Variants in CNTN5 observed in about 807,000 individuals in gnomAD.
CNTN5 encodes the protein contactin 5.
Under a neutral mutation model 129.1 loss-of-function variants are expected in CNTN5, and 77 were observed. The observed-to-expected ratio is 0.60, with a 90% CI of 0.50 to 0.72. The LOEUF is 0.72. Ranked by LOEUF, CNTN5 falls within the 30% of genes least tolerant of loss-of-function variation. The probability of loss-of-function intolerance (pLI) is 0.00; values close to 1 mark genes in which losing one functional copy is unlikely to be tolerated. For missense variants in CNTN5, 1,478 were observed against 1,328.8 expected, an observed-to-expected ratio of 1.11 and a Z score of -1.75; for synonymous variants, 509 against 465.6, an observed-to-expected ratio of 1.09 and a Z score of -1.20.
At chr11:99,746,338 C>T (rs1191018146) in intron 3 of CNTN5, among the ~76,000 whole-genome samples, 2 of 152,140 alleles carry the variant, frequency 1.3e-5, no homozygotes. Context: ...CTCTGTTTCT[C>T]AGTGTGTGTT....
At chr11:99,103,137 C>A (rs1565319062) in intron 1 of CNTN5, among the ~76,000 whole-genome samples, 1 of 152,104 alleles carries the variant, frequency 6.6e-6, no homozygotes, top group Non-Finnish European at 1.5e-5. Context: ...GGGAAAACCA[C>A]CCCAGTGGTT....
intron 7 of CNTN5, among the ~76,000 whole-genome samples, chr11:99,953,737 G>A (rs1384252649): frequency 1.3e-5 from 2 of 152,154 alleles, no homozygotes; most frequent in East Asian, 3.9e-4. Context: ...ATGACCTGCT[G>A]GTTCAGAGTA....
At chr11:99,033,658 G>T (rs1863526544) in intron 1 of CNTN5, among the ~76,000 whole-genome samples, 1 of 150,786 alleles carries the variant, frequency 6.6e-6, no homozygotes, top group South Asian at 2.1e-4. Flanking sequence ...TCAGCTTAAG[G>T]AGATTTTGGG....
chr11:99,194,445 A>C (rs1300155528), intron 1 of CNTN5, among the ~76,000 whole-genome samples: 1 of 152,154 alleles, frequency 6.6e-6, no homozygotes, highest in Non-Finnish European at 1.5e-5. Context: ...ACAATGAAAT[A>C]TTATCCCAAA....
chr11:99,774,710 T>G (rs1945064065), intron 3 of CNTN5, among the ~76,000 whole-genome samples: 1 of 152,022 alleles, frequency 6.6e-6, no homozygotes, highest in African/African-American at 2.4e-5. Context: ...GTCCTGTTAC[T>G]TCAAATGTTT....
chr11:99,417,041 C>T (rs987118775), intron 2 of CNTN5, among the ~76,000 whole-genome samples: 6 of 152,160 alleles, frequency 3.9e-5, no homozygotes, highest in African/African-American at 1.4e-4. Flanking sequence ...AATTGAACAA[C>T]AAACGCAAAT....
intron 16 of CNTN5, among the ~76,000 whole-genome samples, chr11:100,250,132 A>AT (rs1445683289): frequency 6.6e-6 from 1 of 152,052 alleles, no homozygotes; most frequent in Non-Finnish European, 1.5e-5. Context: ...CATCCTTATT[A>AT]TTAAATCATA....
rs577940087 is a variant in CNTN5 at position 99,461,687 on chromosome 11, C to T, written c.-70-94458C>T. On this transcript the variant is annotated intron_variant, in intron 2 of 24. Coordinates refer to ENST00000524871, the MANE Select transcript of CNTN5 (RefSeq NM_014361.4). ...TGTATTCTAGTATTCTAATCCTAGA[C>T]GCAGCATTGTTTGATTAGCATTTTT... is the stretch of plus-strand genomic sequence containing the variant. Among the ~76,000 whole-genome samples, 15 of 152,202 alleles carry T rather than the reference C, an allele frequency of 9.9e-5. No individual in the cohort carries two copies. The East Asian group carries it at 2.9e-3, about 29-fold the overall frequency.
chr11:99,775,524 T>G (rs1030973369), intron 3 of CNTN5, among the ~76,000 whole-genome samples: 3 of 151,950 alleles, frequency 2.0e-5, no homozygotes, highest in Non-Finnish European at 2.9e-5. Context: ...CCTCATAACT[T>G]TAAAAAACAA....
intron 3 of CNTN5, among the ~76,000 whole-genome samples, chr11:99,809,066 T>C (rs1341339496): frequency 1.3e-5 from 2 of 152,156 alleles, no homozygotes; most frequent in Admixed American, 6.6e-5. Flanking sequence ...CCATCTTGTT[T>C]ACAGACACAC....
At chr11:99,431,406 C>T (rs969742462) in intron 2 of CNTN5, among the ~76,000 whole-genome samples, 7 of 152,090 alleles carry the variant, frequency 4.6e-5, no homozygotes, top group African/African-American at 9.7e-5. Context: ...TAGCCATCCA[C>T]CATCCTGGAA....
intron 3 of CNTN5, among the ~76,000 whole-genome samples, chr11:99,591,033 T>C (rs184937367): frequency 6.6e-6 from 1 of 152,354 alleles, no homozygotes; most frequent in African/African-American, 2.4e-5. Flanking sequence ...TCTGCTTTTT[T>C]TAACTTCAGC....
chr11:100,232,640 C>T (rs1652262245), intron 16 of CNTN5, among the ~76,000 whole-genome samples: 1 of 152,198 alleles, frequency 6.6e-6, no homozygotes, highest in Admixed American at 6.5e-5. Context: ...TAATGTTAAC[C>T]TTGTTATCCC....
intron 3 of CNTN5, among the ~76,000 whole-genome samples, chr11:99,731,465 G>T (rs551283095): frequency 6.6e-6 from 1 of 152,142 alleles, no homozygotes; most frequent in Non-Finnish European, 1.5e-5. Context: ...TTTTAAAGAT[G>T]ATTGCAGTCT....
At chr11:99,543,535 A>T (rs1948180966) in intron 2 of CNTN5, among the ~76,000 whole-genome samples, 1 of 152,204 alleles carries the variant, frequency 6.6e-6, no homozygotes, top group Non-Finnish European at 1.5e-5. Flanking sequence ...CATCTCAAAG[A>T]TTGTGTGAGT....
At chr11:100,084,836 C>G (rs989321564) in intron 13 of CNTN5, among the ~76,000 whole-genome samples, 1 of 152,100 alleles carries the variant, frequency 6.6e-6, no homozygotes, top group African/African-American at 2.4e-5. Flanking sequence ...GGTAGCTCTA[C>G]TTCTCCTTTT....
chr11:99,451,810 T>C (rs1944312398), intron 2 of CNTN5, among the ~76,000 whole-genome samples: 1 of 152,196 alleles, frequency 6.6e-6, no homozygotes, highest in South Asian at 2.1e-4. Context: ...AATCTTCTTA[T>C]GTTTTAATCA....
chr11:99,628,611 G>GACACAC (rs10607009), intron 3 of CNTN5, among the ~76,000 whole-genome samples: 7,377 of 147,010 alleles, frequency 0.05, 231 homozygotes, highest in East Asian at 0.087. Flanking sequence ...GCTAAATAAT[G>GACACAC]ACACACACAC....
At chr11:99,155,345 C>T (rs1860280869) in intron 1 of CNTN5, among the ~76,000 whole-genome samples, 1 of 152,168 alleles carries the variant, frequency 6.6e-6, no homozygotes, top group African/African-American at 2.4e-5. Flanking sequence ...TGCACTTTTG[C>T]TGCTTTACTC....
Sources: gnomAD v4.1 joint callset for allele counts (sites outside exome capture counted in the v4.1 genomes callset) on GRCh38, gnomAD v4.1.1 for gene constraint, MANE v1.5 for transcripts, NCBI Gene and HGNC (gene_info 2026-07-23, HGNC 2026-07-21) for gene names.